COL7A1: variants seen among roughly 807,000 people sequenced by gnomAD.
COL7A1 encodes collagen type VII alpha 1 chain.
Under a neutral mutation model 456.2 loss-of-function variants are expected in COL7A1, and 296 were observed. That is an observed-to-expected ratio of 0.65 (90% CI 0.59 to 0.71). COL7A1 has a LOEUF of 0.71. COL7A1 is among the 30% of genes least tolerant of loss of function. The pLI is 0.00. For missense variants in COL7A1, 3,441 were observed against 4,017.2 expected (o/e 0.86, Z 3.88); for synonymous variants, 1,464 against 1,525.9 (o/e 0.96, Z 0.95).
Position 48,587,053 on chromosome 3 carries a change from A to T in COL7A1, c.3195T>A (p.Asn1065Lys). 1 of 1,609,962 alleles carries T rather than the reference A, an allele frequency of 6.2e-7. No individual in the cohort carries two copies. The highest frequency in any genetic ancestry group is 8.5e-7 in the Non-Finnish European group (1 of 1,178,170). The change falls in exon 25 of 119, where the codon AAT becomes AAA. Residue 1065 changes from asparagine to lysine, a missense_variant. Physicochemically the swap from Asn to Lys is moderately conservative, Grantham distance 94 (BLOSUM62 0). This residue lies in a region of COL7A1 where 444 missense variants were observed against 427.6 expected (regional missense o/e 1.04). Transcript: ENST00000681320. The surrounding 1 kb of genome is among the most constrained non-coding windows in gnomAD (Gnocchi z 6.1). ...TCCTCGTAGCCTCCGCACGGTGAGC[A>T]TTGTCTTGAGTGGCATGTGGTAGGA... ...VVFLPHATQD[N>K]AHRAEATRRV...
Position 48,565,727 on chromosome 3 carries a change from GAGAC to G in COL7A1, c.8408-63_8408-60del, listed in dbSNP as rs1171916862. ...ACAGAGAGAAGGATGGGAAGATGGAGAGACAGACAGAGACACACAGGCAGAGGGG... is the reference window on the plus strand; with the variant it reads ...ACAGAGAGAAGGATGGGAAGATGGAGAGACAGAGACACACAGGCAGAGGGG... On this transcript the variant is annotated intron_variant, in intron 114 of 118. Transcript: ENST00000681320. The surrounding 1 kb of genome is among the most constrained non-coding windows in gnomAD (Gnocchi z 4.5). 9 of 1,480,362 alleles carry G rather than the reference GAGAC, an allele frequency of 6.1e-6. No homozygotes were observed. Among genetic ancestry groups the G allele is most frequent in the South Asian group, 3.6e-5 (3 of 83,858 alleles). The allele number at this position is 1,480,362 out of a possible 1,614,324, so 91.7% of individuals were successfully genotyped here.
At position 48,591,717 on chromosome 3, in the gene COL7A1, A is replaced by G; in HGVS notation, c.1463T>C (p.Leu488Pro). 1 of 1,614,150 alleles carries G rather than the reference A, an allele frequency of 6.2e-7. No individual in the cohort carries two copies. The highest frequency in any genetic ancestry group is 8.5e-7 in the Non-Finnish European group (1 of 1,180,006). ...TEYRLTLYTL[L>P]EGHEVATPAT... is the part of the protein sequence containing the mutation. ...AGGGGTGGCCACCTCGTGGCCCTCCAGCAGAGTGTAGAGTGTGAGGCGGTA... is the reference window on the plus strand; with the variant it reads ...AGGGGTGGCCACCTCGTGGCCCTCCGGCAGAGTGTAGAGTGTGAGGCGGTA... Residue 488 changes from leucine to proline, a missense_variant, in exon 12 of 119, where the codon CTG becomes CCG. Physicochemically the swap from Leu to Pro is moderately conservative, Grantham distance 98. This residue lies in a region of COL7A1 where 913 missense variants were observed against 1,088.2 expected (regional missense o/e 0.84). Coordinates refer to ENST00000681320, the MANE Select transcript of COL7A1 (RefSeq NM_000094.4). This position sits in a 1 kb window ranked among gnomAD's most constrained non-coding sequence, Gnocchi z 7.0.
Position 48,578,171 on chromosome 3 carries a change from A to C in COL7A1, c.5532+150T>G. ...AAGAGCGAAACTCCATCTCAAAAAA[A>C]AAAAAACTATGTTTCTGGATGCATC... On this transcript the variant is annotated intron_variant, in intron 65 of 118. Coordinates refer to ENST00000681320, the MANE Select transcript of COL7A1 (RefSeq NM_000094.4). The surrounding 1 kb of genome is among the most constrained non-coding windows in gnomAD (Gnocchi z 4.7). The C allele has an allele frequency of 1.0e-6, 1 of 962,176 alleles. No homozygotes were observed. The highest frequency in any genetic ancestry group is 1.6e-6 in the Non-Finnish European group (1 of 631,538). 59.6% of individuals were successfully genotyped at this position (962,176 alleles called of 1,614,324 possible).
At position 48,585,508 on chromosome 3, in the gene COL7A1, A is replaced by G. The variant is rs778855571; in HGVS notation, c.3894+49T>C. The G allele has an allele frequency of 3.8e-6, 6 of 1,584,554 alleles. No individual in the cohort carries two copies. The highest frequency in any genetic ancestry group is 2.2e-5 in the South Asian group (2 of 90,502). On this transcript the variant is annotated intron_variant, in intron 32 of 118. Coordinates refer to ENST00000681320, the MANE Select transcript of COL7A1 (RefSeq NM_000094.4). This position sits in a 1 kb window ranked among gnomAD's most constrained non-coding sequence, Gnocchi z 4.5. ...CCTTCTCTCTTGTAAAAACCCCGAGACAGCTTTGAGGAGTGCCTCAGAGAA... is the reference window on the plus strand; with the variant it reads ...CCTTCTCTCTTGTAAAAACCCCGAGGCAGCTTTGAGGAGTGCCTCAGAGAA...
chr3:48,574,901 G>A lies in COL7A1; in HGVS notation c.6280-36C>T, dbSNP rs911448150. 2.5e-6 allele frequency: 4 copies of A among 1,608,834 alleles called. No individual in the cohort carries two copies. Among genetic ancestry groups the A allele is most frequent in the Non-Finnish European group, 3.4e-6 (4 of 1,175,806 alleles). On this transcript the variant is annotated intron_variant, in intron 76 of 118. Transcript: ENST00000681320. The surrounding 1 kb of genome is among the most constrained non-coding windows in gnomAD (Gnocchi z 5.0). ...AAGGTCACAGGGGAGAGATGTCTCT[G>A]TCATAGAGGCATGGGGGAGTCATCA...
rs770385674 is a variant in COL7A1, at chr3:48,592,975, T to C, written c.683-37A>G. 4.3e-6 allele frequency: 7 copies of C among 1,612,504 alleles called. No homozygotes were observed. In the South Asian group the frequency reaches 6.6e-5, roughly 15 times the overall value. On this transcript the variant is annotated intron_variant, in intron 6 of 118. Coordinates refer to ENST00000681320, the MANE Select transcript of COL7A1 (RefSeq NM_000094.4). The surrounding 1 kb of genome is among the most constrained non-coding windows in gnomAD (Gnocchi z 7.6). The stretch of plus-strand genomic sequence containing the variant: ...GGATCAGGGGATCAGGCAGGAGGAT[T>C]GGGGTGGGCATGTATGATGCAGAGT...
Position 48,591,055 on chromosome 3 carries a change from G to A in COL7A1, c.1637-239C>T, listed in dbSNP as rs997242759. Reference sequence around the variant, plus strand: ...ACAGGAGTCTGTGGGATCTTAGCATGTAGGATGACAGGAGTCAGTGGACTG... The same window carrying A: ...ACAGGAGTCTGTGGGATCTTAGCATATAGGATGACAGGAGTCAGTGGACTG... On this transcript the variant is annotated intron_variant, in intron 13 of 118. Transcript: ENST00000681320. The surrounding 1 kb of genome is among the most constrained non-coding windows in gnomAD (Gnocchi z 7.0). Among the ~76,000 whole-genome samples the A allele has an allele frequency of 3.3e-5, 5 of 152,230 alleles. No homozygotes were observed. The highest frequency in any genetic ancestry group is 6.5e-5 in the Admixed American group (1 of 15,284).
At position 48,595,287 on chromosome 3, in the gene COL7A1, C is replaced by T; in HGVS notation, c.-21G>A. ...TCTTGCCTGCGCGTCCGCCCGCTCC[C>T]GCCGCCGCCGCTGCAGTCTCTCGGG... On this transcript the variant is annotated 5_prime_UTR_variant, in exon 1 of 119. Transcript: ENST00000681320. 3 of 723,660 alleles carry T rather than the reference C, an allele frequency of 4.1e-6. No individual in the cohort carries two copies. The highest frequency in any genetic ancestry group is 7.2e-6 in the Non-Finnish European group (3 of 413,824). The allele number at this position is 723,660 out of a possible 1,614,324, so 44.8% of individuals were successfully genotyped here. A position where few individuals can be genotyped will look rare whatever the true frequency, so the allele number is the denominator to read the frequency against.
Position 48,564,723 on chromosome 3 carries a change from C to A in COL7A1, c.8818+60G>T. On this transcript the variant is annotated intron_variant, in intron 118 of 118. Coordinates refer to ENST00000681320, the MANE Select transcript of COL7A1 (RefSeq NM_000094.4). The surrounding 1 kb of genome is among the most constrained non-coding windows in gnomAD (Gnocchi z 6.0). Reference sequence around the variant, plus strand: ...AACCCTGGCCCAAGGACTCCTCCCCCAGAACCCGATCCAGGCAGGCTCAGT... The same window carrying A: ...AACCCTGGCCCAAGGACTCCTCCCCAAGAACCCGATCCAGGCAGGCTCAGT... 6.4e-7 allele frequency: 1 copy of A among 1,563,256 alleles called. No homozygotes were observed. The highest frequency in any genetic ancestry group is 8.7e-7 in the Non-Finnish European group (1 of 1,149,188).
In COL7A1 at chr3:48,581,298, G is replaced by A; in HGVS notation, c.4861C>T (p.Pro1621Ser). The part of the protein sequence containing the change: ...PPGEKGDPGR[P>S]GPPGPVGPRG... ...GGGCCAACAGGTCCTGGGGGGCCAG[G>A]CCGCCCAGGGTCTCCCTTCTCTCCA... The change falls in exon 52 of 119, where the codon CCT becomes TCT. Residue 1621 changes from proline (P) to serine (S), a missense_variant. Coordinates refer to ENST00000681320, the MANE Select transcript of COL7A1 (RefSeq NM_000094.4). This position sits in a 1 kb window ranked among gnomAD's most constrained non-coding sequence, Gnocchi z 5.8. 1 of 1,613,532 alleles carries A rather than the reference G, an allele frequency of 6.2e-7. No homozygotes were observed. Among genetic ancestry groups the A allele is most frequent in the Non-Finnish European group, 8.5e-7 (1 of 1,179,908 alleles).
At chr3:48,577,155 G>A in intron 65 of COL7A1, 128 bp from the exon 66 acceptor site, 1 of 1,332,374 alleles carries the variant, frequency 7.5e-7, no homozygotes, top group South Asian at 1.2e-5. Flanking sequence ...TGTGTGTCTT[G>A]GAGCATGGCC....
In COL7A1 at chr3:48,582,090, A is replaced by G. The variant is rs1011356420; in HGVS notation, c.4636-147T>C. 37 of 1,335,140 alleles carry G rather than the reference A, an allele frequency of 2.8e-5. 1 individual carries two copies. In the Middle Eastern group the frequency reaches 9.0e-4, roughly 32 times the overall value. 82.7% of individuals were successfully genotyped at this position (1,335,140 alleles called of 1,614,324 possible). On this transcript the variant is annotated intron_variant, in intron 47 of 118. Transcript: ENST00000681320. ...ACAGAGTCACCGCTGACAGCAGGGAAGGGGTTATACAAAATGGACTGACAC... is the reference window on the plus strand; with the variant it reads ...ACAGAGTCACCGCTGACAGCAGGGAGGGGGTTATACAAAATGGACTGACAC...
In COL7A1 at chr3:48,588,751, T is replaced by G. The variant is rs1379249770; in HGVS notation, c.2478A>C (p.Thr826=). 6.2e-7 allele frequency: 1 copy of G among 1,613,764 alleles called. No individual in the cohort carries two copies. The highest frequency in any genetic ancestry group is 8.5e-7 in the Non-Finnish European group (1 of 1,180,038). The change falls in exon 20 of 119, where the codon ACA becomes ACC. Residue 826 remains threonine, a synonymous_variant. Coordinates refer to ENST00000681320, the MANE Select transcript of COL7A1 (RefSeq NM_000094.4). This position sits in a 1 kb window ranked among gnomAD's most constrained non-coding sequence, Gnocchi z 4.6. ...CGAGACCCCGGATCTCTGCAGAGTCTGTGTTTCCTGGGAGTATCTGGTGCC... is the reference window on the plus strand; with the variant it reads ...CGAGACCCCGGATCTCTGCAGAGTCGGTGTTTCCTGGGAGTATCTGGTGCC... ...PMRHQILPGN[T]DSAEIRGLEG... is the part of the protein sequence containing the mutation.
rs1252952323 is a variant in COL7A1, at chr3:48,573,330, C to T, written c.6637G>A (p.Gly2213Arg). The change falls in exon 84 of 119, where the codon GGA becomes AGA. Residue 2213 changes from glycine (G) to arginine (R), a missense_variant. Physicochemically the swap from Gly to Arg is moderately radical, Grantham distance 125 (BLOSUM62 -2). Coordinates refer to ENST00000681320, the MANE Select transcript of COL7A1 (RefSeq NM_000094.4). The surrounding 1 kb of genome is among the most constrained non-coding windows in gnomAD (Gnocchi z 5.5). ...AGGCCACTCACCCGTCCTGGAGGTC[C>T]TGTCTCTCCAGGCTCCCCCTGCAAA... ...SGLKGEPGET[G>R]PPGRGLTGPT... 4.3e-6 allele frequency: 7 copies of T among 1,613,914 alleles called. No individual in the cohort carries two copies. The highest frequency in any genetic ancestry group is 5.9e-6 in the Non-Finnish European group (7 of 1,180,024).
At position 48,571,129 on chromosome 3, in the gene COL7A1, G is replaced by A; in HGVS notation, c.7136C>T (p.Pro2379Leu). The A allele has an allele frequency of 6.2e-7, 1 of 1,614,074 alleles. No individual in the cohort carries two copies. The highest frequency in any genetic ancestry group is 8.5e-7 in the Non-Finnish European group (1 of 1,180,020). Residue 2379 changes from proline to leucine, a missense_variant, in exon 94 of 119, where the codon CCT becomes CTT. By Grantham distance (98) the Pro-to-Leu change is moderately conservative (BLOSUM62 -3). Around this residue, in one of 3 missense-constraint regions of COL7A1, gnomAD observed 2,084 missense variants for 2,501.3 expected, o/e 0.83. Transcript: ENST00000681320. The surrounding 1 kb of genome is among the most constrained non-coding windows in gnomAD (Gnocchi z 4.6). ...GDPGVGVPGS[P>L]GPPGPPGVKG... ...CACACCTGGAGGGCCAGGAGGCCCAGGGGAGCCCGGGACCCCGACTCCTGG... is the reference window on the plus strand; with the variant it reads ...CACACCTGGAGGGCCAGGAGGCCCAAGGGAGCCCGGGACCCCGACTCCTGG...
At position 48,575,678 on chromosome 3, in the gene COL7A1, C is replaced by T. The variant is rs982433923; in HGVS notation, c.5927G>A (p.Arg1976Gln). The T allele has an allele frequency of 6.8e-6, 11 of 1,613,560 alleles. No homozygotes were observed. Among genetic ancestry groups the T allele is most frequent in the East Asian group, 6.7e-5 (3 of 44,896 alleles). The change falls in exon 73 of 119, where the codon CGG (arginine) becomes CAG (glutamine). Residue 1976 changes from arginine to glutamine, a missense_variant. Around this residue, in one of 3 missense-constraint regions of COL7A1, gnomAD observed 2,084 missense variants for 2,501.3 expected, o/e 0.83. Coordinates refer to ENST00000681320, the MANE Select transcript of COL7A1 (RefSeq NM_000094.4). The surrounding 1 kb of genome is among the most constrained non-coding windows in gnomAD (Gnocchi z 6.3). ...SSGSFLPVPE[R>Q]RRGPKGDSGE... is the part of the protein sequence containing the mutation. Reference sequence around the variant, plus strand: ...TGAGTCCCCCTTGGGGCCTCGACGCCGTTCGGGCACAGGCAGGAAGCTACC... The same window carrying T: ...TGAGTCCCCCTTGGGGCCTCGACGCTGTTCGGGCACAGGCAGGAAGCTACC...
Position 48,584,073 on chromosome 3 carries a change from A to T in COL7A1, c.4198-12T>A. On this transcript the variant is annotated splice_polypyrimidine_tract_variant and intron_variant, in intron 37 of 118. Coordinates refer to ENST00000681320, the MANE Select transcript of COL7A1 (RefSeq NM_000094.4). ...TCGCCTTTGTCACCCTAGAAAACAGATGACGACCCCATGACCCTGGGCCAC... is the reference window on the plus strand; with the variant it reads ...TCGCCTTTGTCACCCTAGAAAACAGTTGACGACCCCATGACCCTGGGCCAC... The T allele has an allele frequency of 6.2e-7, 1 of 1,614,172 alleles. No individual in the cohort carries two copies. The highest frequency in any genetic ancestry group is 8.5e-7 in the Non-Finnish European group (1 of 1,180,032).
rs2043705773 is a variant in COL7A1, at chr3:48,568,399, G to A, written c.7794+100C>T. The A allele has an allele frequency of 1.6e-6, 2 of 1,271,186 alleles. No individual in the cohort carries two copies. Among genetic ancestry groups the A allele is most frequent in the Non-Finnish European group, 2.2e-6 (2 of 894,684 alleles). The allele number at this position is 1,271,186 out of a possible 1,614,324, so 78.7% of individuals were successfully genotyped here. A position where few individuals can be genotyped will look rare whatever the true frequency, so the allele number is the denominator to read the frequency against. ...GACATGAGGACACCATGAGAGCACT[G>A]GGTCACTATAAGGTCAAAAGCTACC... On this transcript the variant is annotated intron_variant, in intron 105 of 118. Coordinates refer to ENST00000681320, the MANE Select transcript of COL7A1 (RefSeq NM_000094.4). The surrounding 1 kb of genome is among the most constrained non-coding windows in gnomAD (Gnocchi z 5.2).
intron 35 of COL7A1, 85 bp downstream of exon 35, chr3:48,584,649 C>T (rs2045089472): frequency 6.2e-7 from 1 of 1,612,760 alleles, no homozygotes; most frequent in Admixed American, 1.7e-5. Flanking sequence ...CCTATTCGCG[C>T]CTTAGGCCCT....
Sources: gnomAD v4.1 joint callset for allele counts (sites outside exome capture counted in the v4.1 genomes callset) on GRCh38, gnomAD v4.1.1 for gene constraint, gnomAD v4.1.1 regional missense constraint, Gnocchi (gnomAD v3.1) non-coding constraint, MANE v1.5 for transcripts, NCBI Gene and HGNC (gene_info 2026-07-23, HGNC 2026-07-21) for gene names.